Variants in PLCL2 observed in about 807,000 individuals in gnomAD.
The protein encoded by PLCL2 is inactive phospholipase C-like protein 2.
In PLCL2, 4 loss-of-function variants were observed where a neutral mutation model predicts 79.6. The ratio of observed to expected loss-of-function variants is 0.05; its 90% CI spans 0.02 to 0.11. The LOEUF is 0.11. Ranked by LOEUF, PLCL2 falls within the 10% of genes least tolerant of loss-of-function variation. PLCL2 has a pLI of 1.00. For synonymous variants in PLCL2, 484 were observed against 457.7 expected (o/e 1.06, Z -0.73); for missense variants, 895 against 1,291.0 (o/e 0.69, Z 4.70).
At chr3:16,949,228 T>C (rs1023697784) in intron 1 of PLCL2, among the ~76,000 whole-genome samples, 1 of 152,142 alleles carries the variant, frequency 6.6e-6, no homozygotes, top group African/African-American at 2.4e-5. Flanking sequence ...GGGTAGAAGG[T>C]GTGTCCATTT....
chr3:16,916,229 C>T (rs879931599), intron 1 of PLCL2, among the ~76,000 whole-genome samples: 1 of 152,112 alleles, frequency 6.6e-6, no homozygotes, highest in Non-Finnish European at 1.5e-5. Context: ...CTATTCAGCC[C>T]CTTAAAACAA....
intron 1 of PLCL2, among the ~76,000 whole-genome samples, chr3:16,970,262 C>T (rs562034450): frequency 1.3e-5 from 2 of 151,258 alleles, no homozygotes; most frequent in South Asian, 2.1e-4. Context: ...CTTCCTGTGT[C>T]CATGTGTTCT....
rs1373296567 is a variant in PLCL2 at position 16,887,939 on chromosome 3, T to TA, written c.327+2575dup. 1.2e-4 allele frequency among the ~76,000 whole-genome samples: 18 copies of TA among 152,106 alleles called. No individual in the cohort carries two copies. Among genetic ancestry groups the TA allele is most frequent in the Non-Finnish European group, 2.4e-4 (16 of 68,016 alleles). On this transcript the variant is annotated intron_variant, in intron 1 of 5. Coordinates refer to ENST00000615277, the MANE Select transcript of PLCL2 (RefSeq NM_001144382.2). This position sits in a 1 kb window ranked among gnomAD's most constrained non-coding sequence, Gnocchi z 4.1. ...CTGAGTAGAGGCAGGAGTAGATTAG[T>TA]AAGCAAGGTGATAATTGGGGACTTG...
chr3:16,925,213 G>A (rs1283064476), intron 1 of PLCL2, among the ~76,000 whole-genome samples: 2 of 145,140 alleles, frequency 1.4e-5, no homozygotes, highest in Middle Eastern at 3.6e-3. Flanking sequence ...GTGAGCCACC[G>A]CGCCCGGCCA....
intron 1 of PLCL2, among the ~76,000 whole-genome samples, chr3:16,924,927 G>GTTTTTTTTTTTTTTTTTTTTT (rs768458330): frequency 6.7e-6 from 1 of 149,002 alleles, no homozygotes. Flanking sequence ...ATACAAGTTT[G>GTTTTTTTTTTTTTTTTTTTTT]TTTGTTTTTT....
intron 3 of PLCL2, among the ~76,000 whole-genome samples, chr3:17,031,528 A>G (rs558817563): frequency 6.6e-6 from 1 of 152,176 alleles, no homozygotes; most frequent in Non-Finnish European, 1.5e-5. Flanking sequence ...GTAGCTTAGA[A>G]AAGCTGAAAA....
intron 1 of PLCL2, among the ~76,000 whole-genome samples, chr3:16,945,787 T>G (rs945868983): frequency 3.3e-5 from 5 of 152,166 alleles, no homozygotes; most frequent in Admixed American, 3.3e-4. Flanking sequence ...CACAGCAAAT[T>G]TGTAGACCCT....
At chr3:17,044,055 G>A (rs112446706) in intron 4 of PLCL2, 3 of 152,322 alleles carry the variant, frequency 2.0e-5, no homozygotes, top group African/African-American at 4.8e-5. Context: ...AATACTTACC[G>A]TGTGTTACTC....
intron 1 of PLCL2, among the ~76,000 whole-genome samples, chr3:16,944,232 T>G (rs1456324084): frequency 1.3e-5 from 2 of 152,232 alleles, no homozygotes; most frequent in Admixed American, 6.5e-5. Flanking sequence ...GCATGATGCC[T>G]TACATACATA....
chr3:17,071,657 G>A (rs1235073406), intron 5 of PLCL2, among the ~76,000 whole-genome samples: 2 of 151,660 alleles, frequency 1.3e-5, no homozygotes, highest in African/African-American at 2.4e-5. Flanking sequence ...TCACACTTTC[G>A]GTATGTTTGA....
chr3:16,928,375 C>T (rs1288014770), intron 1 of PLCL2, among the ~76,000 whole-genome samples: 1 of 152,108 alleles, frequency 6.6e-6, no homozygotes, highest in South Asian at 2.1e-4. Flanking sequence ...CTACAGAGGC[C>T]GATTTTGCAT....
chr3:16,917,689 ACTAGATAAAAG>A (rs1293463984), intron 1 of PLCL2, among the ~76,000 whole-genome samples: 17 of 152,208 alleles, frequency 1.1e-4, no homozygotes, highest in Non-Finnish European at 2.4e-4. Flanking sequence ...TCCCAGGAGA[ACTAGATAAAAG>A]CTGCATGGCC....
At chr3:16,965,102 A>G (rs543281035) in intron 1 of PLCL2, among the ~76,000 whole-genome samples, 162 of 152,078 alleles carry the variant, frequency 1.1e-3, no homozygotes, top group South Asian at 2.1e-4. Flanking sequence ...GCCCATGCCT[A>G]TGTCCTGAAT....
chr3:17,087,003 T>C (rs1378940736), intron 5 of PLCL2, among the ~76,000 whole-genome samples: 1 of 152,204 alleles, frequency 6.6e-6, no homozygotes, highest in African/African-American at 2.4e-5. Flanking sequence ...CATCACCAAA[T>C]GCTGGCGAGG....
chr3:17,080,294 T>C (rs1431795128), intron 5 of PLCL2, among the ~76,000 whole-genome samples: 1 of 152,148 alleles, frequency 6.6e-6, no homozygotes, highest in Non-Finnish European at 1.5e-5. Flanking sequence ...GAGACTTCAG[T>C]GGGAAGTGGA....
At chr3:16,989,989 G>A (rs1283228623) in intron 1 of PLCL2, among the ~76,000 whole-genome samples, 2 of 152,136 alleles carry the variant, frequency 1.3e-5, no homozygotes, top group Non-Finnish European at 2.9e-5. Flanking sequence ...ATTGCCTGAA[G>A]CATGTAAAGA....
At chr3:16,909,443 G>A (rs1169403554) in intron 1 of PLCL2, among the ~76,000 whole-genome samples, 2 of 152,172 alleles carry the variant, frequency 1.3e-5, no homozygotes, top group African/African-American at 2.4e-5. Flanking sequence ...TTAGCACAGG[G>A]TTTGGCACAC....
intron 1 of PLCL2, among the ~76,000 whole-genome samples, chr3:16,952,007 A>G (rs115177332): frequency 1.9e-3 from 292 of 152,186 alleles, no homozygotes; most frequent in African/African-American, 6.6e-3. Context: ...GCGAGAAGCC[A>G]TCTATGTAGA....
chr3:16,986,242 A>G (rs770174542), intron 1 of PLCL2, among the ~76,000 whole-genome samples: 3 of 152,162 alleles, frequency 2.0e-5, no homozygotes, highest in Non-Finnish European at 2.9e-5. Context: ...AGAAGATAGT[A>G]TCAACATCTC....
Sources: gnomAD v4.1 joint callset for allele counts (sites outside exome capture counted in the v4.1 genomes callset) on GRCh38, gnomAD v4.1.1 for gene constraint, Gnocchi (gnomAD v3.1) non-coding constraint, MANE v1.5 for transcripts, NCBI Gene and HGNC (gene_info 2026-07-23, HGNC 2026-07-21) for gene names.